HP1BP3: variants seen among roughly 807,000 people sequenced by gnomAD.
The protein encoded by HP1BP3 is heterochromatin protein 1-binding protein 3.
HP1BP3 carries 12 observed loss-of-function variants against 62.5 expected under a neutral mutation model. The ratio of observed to expected loss-of-function variants is 0.19; its 90% confidence interval spans 0.12 to 0.31. The LOEUF (loss-of-function observed/expected upper bound fraction) is 0.31. Among genes scored for constraint, HP1BP3 ranks in the 10% least tolerant of loss-of-function variants. The probability of loss-of-function intolerance (pLI) is 1.00; values close to 1 mark genes in which losing one functional copy is unlikely to be tolerated. For synonymous variants in HP1BP3, 260 were observed against 237.8 expected, an observed-to-expected ratio of 1.09 and a Z score of -0.86; for missense variants, 502 against 651.8, an observed-to-expected ratio of 0.77 and a Z score of 2.50.
intron 8 of HP1BP3, among the ~76,000 whole-genome samples, chr1:20,759,455 C>T (rs1050243435): frequency 1.3e-5 from 2 of 152,190 alleles, no homozygotes; most frequent in Non-Finnish European, 2.9e-5. Flanking sequence ...CTCTATCCTT[C>T]TTTGTATATG....
At chr1:20,745,184 T>C in intron 12 of HP1BP3, 93 bp from the exon 13 acceptor site, 2 of 1,380,460 alleles carry the variant, frequency 1.4e-6, no homozygotes, top group African/African-American at 1.4e-5. Flanking sequence ...AAACGGCATA[T>C]GAAGTGGTCA....
At chr1:20,759,384 C>T (rs1307492505) in intron 8 of HP1BP3, among the ~76,000 whole-genome samples, 1 of 152,158 alleles carries the variant, frequency 6.6e-6, no homozygotes, top group Non-Finnish European at 1.5e-5. Context: ...GCCTGGGCAA[C>T]AAGAGCAAAA....
In HP1BP3 at chr1:20,743,000, G is replaced by A. The variant is rs1310960432; in HGVS notation, c.*1797C>T. On this transcript the variant is annotated 3_prime_UTR_variant, in exon 13 of 13. Coordinates refer to ENST00000438032, the MANE Select transcript of HP1BP3 (RefSeq NM_001372052.1). Reference sequence around the variant, plus strand: ...TTAAAATGTCAAGTGCCACAGGGAAGAGAAATGATAACCAGAAATTTGTAT... The same window carrying A: ...TTAAAATGTCAAGTGCCACAGGGAAAAGAAATGATAACCAGAAATTTGTAT... The A allele has an allele frequency of 6.6e-6, 1 of 152,534 alleles. No individual in the cohort carries two copies. Among genetic ancestry groups the A allele is most frequent in the African/African-American group, 2.4e-5 (1 of 41,442 alleles). The allele number at this position is 152,534 out of a possible 1,614,324, so 9.4% of individuals were successfully genotyped here.
At chr1:20,786,477 G>T in intron 1 of HP1BP3, 1 of 152,618 alleles carries the variant, frequency 6.6e-6, no homozygotes, top group Non-Finnish European at 1.5e-5. Context: ...CGGCGGGGGA[G>T]AGCGCGGGCC....
chr1:20,766,048 T>C (rs564135316), intron 7 of HP1BP3, among the ~76,000 whole-genome samples: 5 of 151,726 alleles, frequency 3.3e-5, no homozygotes, highest in African/African-American at 9.7e-5. Flanking sequence ...TCCCAGCACT[T>C]TGGGGGGCTG....
At chr1:20,782,220 T>C (rs2057586871) in intron 1 of HP1BP3, among the ~76,000 whole-genome samples, 1 of 152,012 alleles carries the variant, frequency 6.6e-6, no homozygotes. Context: ...GGAGGATCCC[T>C]TGAAGCTAGA....
intron 6 of HP1BP3, among the ~76,000 whole-genome samples, chr1:20,768,676 C>T (rs1000469698): frequency 1.3e-4 from 20 of 151,900 alleles, no homozygotes; most frequent in Non-Finnish European, 1.5e-5. Context: ...CCCATCTCCA[C>T]TAAAAATACA....
At position 20,757,208 on chromosome 1, in the gene HP1BP3, C is replaced by T; in HGVS notation, c.939G>A (p.Gln313=). ...CACCTTTGCCAGTTATCTGTTCTAA[C>T]TGGCCCCTCTCTACTGCTCTCTGCA... The part of the protein sequence containing the change: ...NALQRAVERG[Q]LEQITGKGAS... Residue 313 remains glutamine (Q), a synonymous_variant, in exon 9 of 13, where the codon CAG becomes CAA. Coordinates refer to ENST00000438032, the MANE Select transcript of HP1BP3 (RefSeq NM_001372052.1). The T allele has an allele frequency of 1.2e-6, 2 of 1,613,356 alleles. No homozygotes were observed. Among genetic ancestry groups the T allele is most frequent in the East Asian group, 2.2e-5 (1 of 44,868 alleles).
intron 9 of HP1BP3, among the ~76,000 whole-genome samples, chr1:20,753,942 G>C (rs1462963900): frequency 3.3e-5 from 5 of 152,170 alleles, no homozygotes; most frequent in Non-Finnish European, 7.3e-5. Flanking sequence ...TTCTCTCCAG[G>C]ATGTGGAACA....
At chr1:20,770,570 C>T (rs1229800652) in intron 6 of HP1BP3, among the ~76,000 whole-genome samples, 3 of 152,158 alleles carry the variant, frequency 2.0e-5, no homozygotes. Context: ...CCAACTAAGC[C>T]TCCCAAGGTG....
At chr1:20,754,458 G>A (rs773706304) in intron 9 of HP1BP3, among the ~76,000 whole-genome samples, 1 of 151,246 alleles carries the variant, frequency 6.6e-6, no homozygotes, top group African/African-American at 2.4e-5. Flanking sequence ...CAAAACTCCA[G>A]CTGTTTTTTT....
At chr1:20,781,387 A>G (rs1428749517) in intron 1 of HP1BP3, among the ~76,000 whole-genome samples, 1 of 152,280 alleles carries the variant, frequency 6.6e-6, no homozygotes, top group Admixed American at 6.5e-5. Flanking sequence ...TAAGAATTGA[A>G]GAGCTTTCAA....
intron 1 of HP1BP3, among the ~76,000 whole-genome samples, chr1:20,781,626 A>T (rs551486494): frequency 4.0e-5 from 6 of 151,110 alleles, no homozygotes; most frequent in South Asian, 2.1e-4. Context: ...TTAATATTAA[A>T]TTTTTTTTTT....
intron 4 of HP1BP3, chr1:20,776,185 C>T (rs1269634157): frequency 1.1e-5 from 6 of 539,730 alleles, no homozygotes; most frequent in African/African-American, 7.8e-5. Flanking sequence ...CAAATCAATG[C>T]CTTCTAACAT....
At chr1:20,768,604 C>T (rs768598097) in intron 6 of HP1BP3, among the ~76,000 whole-genome samples, 9 of 152,044 alleles carry the variant, frequency 5.9e-5, no homozygotes, top group Admixed American at 2.0e-4. Context: ...TTTTGGAAGG[C>T]CGAGGTGGGC....
intron 8 of HP1BP3, among the ~76,000 whole-genome samples, chr1:20,764,179 C>CA (rs2056641292): frequency 6.6e-6 from 1 of 152,022 alleles, no homozygotes; most frequent in East Asian, 1.9e-4. Context: ...ATTTTCTACA[C>CA]TTTTTTTTCT....
intron 6 of HP1BP3, among the ~76,000 whole-genome samples, chr1:20,769,733 T>C (rs2056967609): frequency 6.6e-6 from 1 of 152,152 alleles, no homozygotes; most frequent in South Asian, 2.1e-4. Context: ...CATTTAAATA[T>C]CAGTTTTACA....
In HP1BP3 at chr1:20,755,843, C is replaced by T. The variant is rs144730241; in HGVS notation, c.981+1323G>A. 5.6e-3 allele frequency among the ~76,000 whole-genome samples: 852 copies of T among 152,234 alleles called. 5 individuals are homozygous for T. Among genetic ancestry groups the T allele is most frequent in the Non-Finnish European group, 9.4e-3 (638 of 68,004 alleles). ...ATGAAAGCACTGGTACATGCTGCAA[C>T]GTGGATAAAATTCAAAAACATCATG... On this transcript the variant is annotated intron_variant, in intron 9 of 12. Coordinates refer to ENST00000438032, the MANE Select transcript of HP1BP3 (RefSeq NM_001372052.1).
At chr1:20,781,399 T>G (rs1301696940) in intron 1 of HP1BP3, among the ~76,000 whole-genome samples, 1 of 152,198 alleles carries the variant, frequency 6.6e-6, no homozygotes, top group African/African-American at 2.4e-5. Flanking sequence ...AGCTTTCAAC[T>G]TGGCAAGTAA....
Sources: gnomAD v4.1 joint callset for allele counts (sites outside exome capture counted in the v4.1 genomes callset) on GRCh38, gnomAD v4.1.1 for gene constraint, MANE v1.5 for transcripts, NCBI Gene and HGNC (gene_info 2026-07-23, HGNC 2026-07-21) for gene names.